PTPRQ: variants seen among roughly 807,000 people sequenced by gnomAD.
PTPRQ encodes the protein phosphatidylinositol phosphatase PTPRQ.
Under a neutral mutation model 246.0 loss-of-function variants are expected in PTPRQ, and 199 were observed. The observed-to-expected ratio is 0.81, with a 90% CI of 0.72 to 0.91. The LOEUF is 0.91. PTPRQ is among the 40% of genes least tolerant of loss of function. The pLI is 0.00. For missense variants in PTPRQ, 2,624 were observed against 2,528.4 expected (o/e 1.04, Z -0.81); for synonymous variants, 869 against 853.2 (o/e 1.02, Z -0.32).
chr12:80,616,239 C>T lies in PTPRQ; in HGVS notation c.5203C>T (p.Pro1735Ser). Reference protein sequence around the residue: ...VNSAGAGPKVPMRITMDIKAP... With the variant: ...VNSAGAGPKVSMRITMDIKAP... ...TAGTGCTGGTGCAGGTCCAAAGGTT[C>T]CGATGAGAATAACCATGGATATCAA... Residue 1735 changes from proline (P) to serine (S), a missense_variant, in exon 30 of 45, where the codon CCG (proline) becomes TCG (serine). Pro to Ser is a moderately conservative substitution (Grantham distance 74, BLOSUM62 -1). Coordinates refer to ENST00000644991, the MANE Select transcript of PTPRQ (RefSeq NM_001145026.2). 6.7e-7 allele frequency: 1 copy of T among 1,494,732 alleles called. No individual in the cohort carries two copies. Among genetic ancestry groups the T allele is most frequent in the African/African-American group, 1.4e-5 (1 of 69,654 alleles). The allele number at this position is 1,494,732 out of a possible 1,614,324, so 92.6% of individuals were successfully genotyped here.
chr12:80,463,319 A>G (rs1321595562), intron 6 of PTPRQ, among the ~76,000 whole-genome samples: 1 of 152,208 alleles, frequency 6.6e-6, no homozygotes, highest in Non-Finnish European at 1.5e-5. Context: ...TTTAGAGAAA[A>G]AAGAATAAAA....
At chr12:80,466,920 G>T (rs1480524262) in intron 6 of PTPRQ, among the ~76,000 whole-genome samples, 1 of 152,056 alleles carries the variant, frequency 6.6e-6, no homozygotes, top group African/African-American at 2.4e-5. Context: ...GTAAACCTAG[G>T]CATTACCATT....
intron 27 of PTPRQ, among the ~76,000 whole-genome samples, chr12:80,607,214 C>T (rs747538372): frequency 2.7e-4 from 40 of 150,932 alleles, no homozygotes; most frequent in African/African-American, 6.5e-4. Context: ...GGAACAGAGA[C>T]GGTGAATAAC....
At chr12:80,472,618 G>A (rs1241899942) in intron 8 of PTPRQ, among the ~76,000 whole-genome samples, 1 of 152,080 alleles carries the variant, frequency 6.6e-6, no homozygotes, top group Non-Finnish European at 1.5e-5. Context: ...CTAGTATTTA[G>A]AAGAATTCCT....
intron 17 of PTPRQ, among the ~76,000 whole-genome samples, chr12:80,515,999 C>A (rs1461552114): frequency 1.3e-5 from 2 of 152,018 alleles, no homozygotes; most frequent in Non-Finnish European, 1.5e-5. Context: ...CTTTTATCAT[C>A]CATCAAGATG....
At chr12:80,645,611 G>T (rs113650717) in intron 35 of PTPRQ, among the ~76,000 whole-genome samples, 48 of 151,756 alleles carry the variant, frequency 3.2e-4, no homozygotes, top group African/African-American at 1.1e-3. Flanking sequence ...TATCCTTAAT[G>T]CAGGGACTTA....
intron 25 of PTPRQ, among the ~76,000 whole-genome samples, chr12:80,571,098 G>GT (rs1565792989): frequency 1.3e-5 from 2 of 152,198 alleles, no homozygotes; most frequent in Admixed American, 6.5e-5. Context: ...ATTTAAAGTG[G>GT]TTTTTTTCTA....
At chr12:80,600,418 G>A (rs913441284) in intron 26 of PTPRQ, among the ~76,000 whole-genome samples, 1 of 151,752 alleles carries the variant, frequency 6.6e-6, no homozygotes, top group Non-Finnish European at 1.5e-5. Context: ...TCACAAGCCA[G>A]AGTTTTCCTT....
chr12:80,473,204 A>G (rs981977795), intron 8 of PTPRQ, among the ~76,000 whole-genome samples: 3 of 152,226 alleles, frequency 2.0e-5, no homozygotes, highest in African/African-American at 7.2e-5. Context: ...GTTACGTTTT[A>G]TCTATTTCAG....
At chr12:80,665,775 G>A (rs189119465) in intron 39 of PTPRQ, among the ~76,000 whole-genome samples, 3 of 151,954 alleles carry the variant, frequency 2.0e-5, no homozygotes, top group Admixed American at 2.0e-4. Flanking sequence ...ATTTAAAAAT[G>A]GGCAAATGAG....
Position 80,579,945 on chromosome 12 carries a change from A to C in PTPRQ, c.4286-8184A>C, listed in dbSNP as rs1174982309. ...ATCTGTTTTGCTTAAAAGAGAGTAC[A>C]TCTGTTCCTGAAAAATAAAAATATA... On this transcript the variant is annotated intron_variant, in intron 25 of 44. Coordinates refer to ENST00000644991, the MANE Select transcript of PTPRQ (RefSeq NM_001145026.2). Among the ~76,000 whole-genome samples the C allele has an allele frequency of 3.3e-5, 5 of 152,278 alleles. No individual in the cohort carries two copies. The East Asian group carries it at 9.6e-4, about 29-fold the overall frequency.
At chr12:80,559,050 C>A (rs571369917) in intron 25 of PTPRQ, among the ~76,000 whole-genome samples, 75 of 152,104 alleles carry the variant, frequency 4.9e-4, no homozygotes, top group African/African-American at 1.8e-3. Context: ...TCTTTTCTTT[C>A]TTTTCTTTTT....
chr12:80,631,110 T>A (rs769087675), intron 33 of PTPRQ, among the ~76,000 whole-genome samples: 11 of 152,204 alleles, frequency 7.2e-5, no homozygotes, highest in Admixed American at 4.6e-4. Context: ...GGGCTATTTT[T>A]AAAAAGTCAT....
chr12:80,611,827 A>G (rs1032190226), intron 28 of PTPRQ, among the ~76,000 whole-genome samples: 6 of 150,644 alleles, frequency 4.0e-5, no homozygotes, highest in Admixed American at 6.6e-5. Flanking sequence ...TATATTTATG[A>G]CACAGCATAA....
Position 80,549,628 on chromosome 12 carries a change from C to T in PTPRQ, c.4179C>T (p.Phe1393=), listed in dbSNP as rs776227944. 6.4e-7 allele frequency: 1 copy of T among 1,551,172 alleles called. No individual in the cohort carries two copies. The highest frequency in any genetic ancestry group is 1.2e-5 in the South Asian group (1 of 84,046). Residue 1393 remains phenylalanine, a synonymous_variant, in exon 25 of 45, where the codon TTC becomes TTT. Coordinates refer to ENST00000644991, the MANE Select transcript of PTPRQ (RefSeq NM_001145026.2). The part of the protein sequence containing the change: ...KVSPQDHMYT[F]IKLLANTSYV... ...CTCCCCAAGATCACATGTACACTTT[C>T]ATAAAGCTTCTTGCCAATACCTCAT...
intron 19 of PTPRQ, among the ~76,000 whole-genome samples, chr12:80,537,200 C>T (rs1441962860): frequency 6.6e-6 from 1 of 152,188 alleles, no homozygotes; most frequent in Non-Finnish European, 1.5e-5. Flanking sequence ...CGTGCTTTAA[C>T]TTATTCCTAA....
intron 7 of PTPRQ, among the ~76,000 whole-genome samples, chr12:80,470,162 A>T (rs1207396260): frequency 1.3e-5 from 2 of 152,208 alleles, no homozygotes; most frequent in Non-Finnish European, 2.9e-5. Context: ...TATAAGAAAA[A>T]CGAGAATTAC....
intron 26 of PTPRQ, among the ~76,000 whole-genome samples, chr12:80,591,511 A>T (rs1403937804): frequency 2.0e-5 from 3 of 152,150 alleles, no homozygotes; most frequent in African/African-American, 4.8e-5. Flanking sequence ...TTGATTCATT[A>T]AGTTCTAGTG....
intron 17 of PTPRQ, among the ~76,000 whole-genome samples, chr12:80,520,307 A>T (rs1895434206): frequency 6.6e-6 from 1 of 151,966 alleles, no homozygotes; most frequent in African/African-American, 2.4e-5. Flanking sequence ...ATCAGACCTG[A>T]TGGCTTTTTT....
Sources: allele counts gnomAD v4.1 joint callset (sites outside exome capture counted in the v4.1 genomes callset), GRCh38; gene constraint gnomAD v4.1.1; transcripts MANE v1.5; gene names NCBI Gene and HGNC (gene_info 2026-07-23, HGNC 2026-07-21).